Variants in TMPRSS15 observed in about 807,000 individuals in gnomAD.
TMPRSS15 encodes the protein transmembrane serine protease 15.
A neutral mutation model predicts 125.3 loss-of-function variants in TMPRSS15; 128 were observed. The observed-to-expected ratio is 1.02, with a 90% CI of 0.89 to 1.18. TMPRSS15 has a LOEUF of 1.18. Ranked by LOEUF, TMPRSS15 falls within the 50% of genes most tolerant of loss-of-function variation. The pLI is 0.00. For synonymous variants in TMPRSS15, 446 were observed against 423.2 expected (o/e 1.05, Z -0.66); for missense variants, 1,283 against 1,212.7 (o/e 1.06, Z -0.86).
intron 1 of TMPRSS15, among the ~76,000 whole-genome samples, chr21:18,422,059 C>T (rs1182099892): frequency 6.6e-6 from 1 of 151,070 alleles, no homozygotes; most frequent in Non-Finnish European, 1.5e-5. Flanking sequence ...CCTAGGCTCA[C>T]TGCAACCTCT....
intron 1 of TMPRSS15, among the ~76,000 whole-genome samples, chr21:18,434,446 G>A (rs2076223558): frequency 6.6e-6 from 1 of 151,970 alleles, no homozygotes; most frequent in Admixed American, 6.6e-5. Context: ...TCAGTTTTAA[G>A]ATGCTCTTTT....
intron 1 of TMPRSS15, among the ~76,000 whole-genome samples, chr21:18,469,550 T>G (rs1978736241): frequency 6.6e-6 from 1 of 152,144 alleles, no homozygotes; most frequent in African/African-American, 2.4e-5. Flanking sequence ...TGGTTTATAT[T>G]GCCTTGCTCC....
intron 17 of TMPRSS15, among the ~76,000 whole-genome samples, chr21:18,314,702 A>G (rs767126300): frequency 6.6e-6 from 1 of 152,116 alleles, no homozygotes; most frequent in African/African-American, 2.4e-5. Context: ...CATTACTCAT[A>G]ATGTTATTGA....
chr21:18,347,983 AG>A (rs1226005620), intron 10 of TMPRSS15, among the ~76,000 whole-genome samples: 2 of 152,166 alleles, frequency 1.3e-5, no homozygotes, highest in Non-Finnish European at 2.9e-5. Flanking sequence ...AAAAAAGAGA[AG>A]GGGGAGTTTG....
intron 16 of TMPRSS15, among the ~76,000 whole-genome samples, chr21:18,321,352 T>C (rs868715179): frequency 1.5e-5 from 2 of 131,042 alleles, no homozygotes; most frequent in Non-Finnish European, 3.3e-5. Context: ...TTTCCTTCTT[T>C]TTTTTTTTTT....
chr21:18,383,517 A>G (rs1418954138), intron 4 of TMPRSS15, 110 bp downstream of exon 4: 2 of 1,283,516 alleles, frequency 1.6e-6, no homozygotes, highest in Admixed American at 3.9e-5. Context: ...CTCAGGCAAT[A>G]AGACATGTTC....
chr21:18,365,649 C>CACTTCCTT (rs1569035705), intron 6 of TMPRSS15, among the ~76,000 whole-genome samples: 1 of 65,812 alleles, frequency 1.5e-5, no homozygotes, highest in East Asian at 5.5e-4. Flanking sequence ...TCTTTTTCCT[C>CACTTCCTT]CCTTCCTTCC....
rs1490972317 is a variant in TMPRSS15, at chr21:18,403,541, A to G, written c.82T>C (p.Leu28=). The change falls in exon 1 of 25, where the codon TTG becomes CTG. Residue 28 remains leucine (L), a synonymous_variant. Coordinates refer to ENST00000284885, the MANE Select transcript of TMPRSS15 (RefSeq NM_002772.3). ...EIMFAALFAI[L]VVLCAGLIAV... The stretch of plus-strand genomic sequence containing the variant: ...ATTAATCCAGCACAGAGCACTACCA[A>G]TATGGCAAAGAGAGCTGCAAACATG... 1.4e-5 allele frequency: 22 copies of G among 1,614,076 alleles called. No individual in the cohort carries two copies. Among genetic ancestry groups the G allele is most frequent in the East Asian group, 2.2e-5 (1 of 44,888 alleles).
chr21:18,428,283 G>A (rs117307134), intron 1 of TMPRSS15, among the ~76,000 whole-genome samples: 5,519 of 152,232 alleles, frequency 0.036, 126 homozygotes, highest in South Asian at 0.055. Flanking sequence ...AGTTTCATAA[G>A]GGAAGCTGAG....
rs1219699440 is a variant in TMPRSS15 at position 18,396,792 on chromosome 21, ATCT to A, written c.344+1084_344+1086del. On this transcript the variant is annotated intron_variant, in intron 3 of 24. Coordinates refer to ENST00000284885, the MANE Select transcript of TMPRSS15 (RefSeq NM_002772.3). ...CTGTCTCAAAAAAAAAAAAAAAAAA[ATCT>A]GTCTGTCTGTCTGTCTATCTATCTA... Among the ~76,000 whole-genome samples, 12 of 112,792 alleles carry A rather than the reference ATCT, an allele frequency of 1.1e-4. No homozygotes were observed. The East Asian group carries it at 1.5e-3, about 14-fold the overall frequency. 74.0% of individuals were successfully genotyped at this position (112,792 alleles called of 152,430 possible). A position where few individuals can be genotyped will look rare whatever the true frequency, so the allele number is the denominator to read the frequency against.
intron 21 of TMPRSS15, among the ~76,000 whole-genome samples, chr21:18,283,648 G>A (rs564046010): frequency 6.6e-6 from 1 of 152,088 alleles, no homozygotes. Flanking sequence ...CAGAGGACAT[G>A]TCATTATTAA....
At chr21:18,353,383 A>C (rs992634699) in intron 9 of TMPRSS15, among the ~76,000 whole-genome samples, 1 of 151,794 alleles carries the variant, frequency 6.6e-6, no homozygotes, top group Admixed American at 6.6e-5. Context: ...CCTGTTACTA[A>C]ATTTAATACC....
chr21:18,483,728 T>C (rs1040516369), intron 1 of TMPRSS15, among the ~76,000 whole-genome samples: 12 of 151,984 alleles, frequency 7.9e-5, no homozygotes, highest in African/African-American at 2.9e-4. Context: ...CTCACTTTTC[T>C]AGACTTTTAA....
chr21:18,435,689 T>A (rs1008067851), intron 1 of TMPRSS15, among the ~76,000 whole-genome samples: 4 of 152,160 alleles, frequency 2.6e-5, no homozygotes, highest in Non-Finnish European at 5.9e-5. Flanking sequence ...TTGATTGGAA[T>A]AGTTTCAGAA....
chr21:18,271,031 T>TATCA (rs2074548901), intron 24 of TMPRSS15, among the ~76,000 whole-genome samples: 1 of 152,206 alleles, frequency 6.6e-6, no homozygotes, highest in Non-Finnish European at 1.5e-5. Context: ...TGATCCTTTT[T>TATCA]ATCATCTTTG....
chr21:18,408,930 A>G (rs762920814), intron 1 of TMPRSS15, among the ~76,000 whole-genome samples: 13 of 152,122 alleles, frequency 8.5e-5, no homozygotes, highest in Non-Finnish European at 5.9e-5. Context: ...TAAAAGAGTT[A>G]TAGTTGTAAC....
chr21:18,379,329 A>T lies in TMPRSS15; in HGVS notation c.497-11T>A. ...TGGTTGTTAGCTTGTCTGAAAAATA[A>T]ATTATATTAAAATAATTATTACCTA... On this transcript the variant is annotated splice_polypyrimidine_tract_variant and intron_variant, in intron 4 of 24. Coordinates refer to ENST00000284885, the MANE Select transcript of TMPRSS15 (RefSeq NM_002772.3). The T allele has an allele frequency of 2.4e-6, 3 of 1,262,622 alleles. No homozygotes were observed. The highest frequency in any genetic ancestry group is 3.2e-6 in the Non-Finnish European group (3 of 952,164). 78.2% of individuals were successfully genotyped at this position (1,262,622 alleles called of 1,614,324 possible).
intron 10 of TMPRSS15, among the ~76,000 whole-genome samples, chr21:18,351,982 G>A (rs537470844): frequency 1.3e-4 from 20 of 152,042 alleles, no homozygotes; most frequent in East Asian, 5.8e-4. Context: ...GGCTTTTAAC[G>A]TTTGTTTGAA....
At chr21:18,290,197 A>G (rs930433309) in intron 21 of TMPRSS15, among the ~76,000 whole-genome samples, 12 of 152,202 alleles carry the variant, frequency 7.9e-5, no homozygotes, top group Non-Finnish European at 1.0e-4. Flanking sequence ...GTAGTATTCT[A>G]TTGGAGTTGG....
Sources: gnomAD v4.1 joint callset for allele counts (sites outside exome capture counted in the v4.1 genomes callset) on GRCh38, gnomAD v4.1.1 for gene constraint, MANE v1.5 for transcripts, NCBI Gene and HGNC (gene_info 2026-07-23, HGNC 2026-07-21) for gene names.